The following DSCAM variants were observed in gnomAD, a reference collection of about 807,000 sequenced individuals.
The protein encoded by DSCAM is DS cell adhesion molecule.
Under a neutral mutation model 217.7 loss-of-function variants are expected in DSCAM, and 47 were observed. The ratio of observed to expected loss-of-function variants is 0.22; its 90% CI spans 0.17 to 0.28. The LOEUF is 0.28. Among genes scored for constraint, DSCAM ranks in the 10% least tolerant of loss-of-function variants. The pLI is 1.00. For missense variants in DSCAM, 2,080 were observed against 2,618.3 expected (o/e 0.79, Z 4.49); for synonymous variants, 1,056 against 1,015.3 (o/e 1.04, Z -0.76).
intron 11 of DSCAM, among the ~76,000 whole-genome samples, chr21:40,222,686 T>G (rs1188944117): frequency 6.6e-6 from 1 of 151,538 alleles, no homozygotes; most frequent in Non-Finnish European, 1.5e-5. Flanking sequence ...AATAGTTTAT[T>G]AAGAAGTATA....
intron 3 of DSCAM, among the ~76,000 whole-genome samples, chr21:40,389,055 G>A (rs1204205187): frequency 1.3e-5 from 2 of 152,146 alleles, no homozygotes; most frequent in Admixed American, 6.5e-5. Context: ...ATAAAAGTAG[G>A]ATATTCCTGC....
chr21:40,606,057 T>C (rs2089233024), intron 3 of DSCAM, among the ~76,000 whole-genome samples: 2 of 152,284 alleles, frequency 1.3e-5, no homozygotes, highest in Non-Finnish European at 2.9e-5. Context: ...CACCCTGGCC[T>C]CCCAAAGTGC....
At chr21:40,221,107 G>A (rs2091285505) in intron 11 of DSCAM, among the ~76,000 whole-genome samples, 2 of 152,116 alleles carry the variant, frequency 1.3e-5, no homozygotes. Context: ...CCTGACTATA[G>A]TACCTCTGTT....
intron 3 of DSCAM, among the ~76,000 whole-genome samples, chr21:40,426,843 C>T (rs1379427859): frequency 6.6e-6 from 1 of 152,026 alleles, no homozygotes; most frequent in East Asian, 1.9e-4. Flanking sequence ...AGTCATTCTC[C>T]TCAGTCAAGC....
chr21:40,196,606 T>G (rs2091012514), intron 11 of DSCAM, among the ~76,000 whole-genome samples: 1 of 144,336 alleles, frequency 6.9e-6, no homozygotes, highest in African/African-American at 2.9e-5. Flanking sequence ...TTTCCCTCTA[T>G]CCTTCTGTTC....
At chr21:40,317,127 C>T (rs1249940499) in intron 8 of DSCAM, among the ~76,000 whole-genome samples, 4 of 152,210 alleles carry the variant, frequency 2.6e-5, no homozygotes, top group African/African-American at 7.2e-5. Context: ...TATTTACTGT[C>T]CAGTTCAGTG....
At chr21:40,288,596 G>A (rs1183134172) in intron 10 of DSCAM, among the ~76,000 whole-genome samples, 1 of 152,158 alleles carries the variant, frequency 6.6e-6, no homozygotes, top group Non-Finnish European at 1.5e-5. Flanking sequence ...AGAGAAGGCT[G>A]AAACACAGAC....
At chr21:40,474,070 A>G (rs978160851) in intron 3 of DSCAM, among the ~76,000 whole-genome samples, 78 of 152,246 alleles carry the variant, frequency 5.1e-4, no homozygotes, top group African/African-American at 1.5e-3. Context: ...AGGCGGGCGG[A>G]TCACCTGAGG....
chr21:40,433,346 T>TAAAAA (rs10678618), intron 3 of DSCAM, among the ~76,000 whole-genome samples: 6 of 93,720 alleles, frequency 6.4e-5, no homozygotes, highest in East Asian at 3.1e-4. Flanking sequence ...AGACTCCGTC[T>TAAAAA]AAAAAAAAAA....
chr21:40,121,766 G>A (rs1265227894), intron 20 of DSCAM, among the ~76,000 whole-genome samples: 6 of 139,940 alleles, frequency 4.3e-5, no homozygotes, highest in African/African-American at 1.1e-4. Context: ...TTTGGCTCAC[G>A]GCAACCTCCA....
In DSCAM at chr21:40,708,514, A is replaced by G; in HGVS notation, c.301T>C (p.Tyr101His). The change falls in exon 2 of 33, where the codon TAT (tyrosine) becomes CAT (histidine). Residue 101 changes from tyrosine (Y) to histidine (H), a missense_variant. This residue lies in a region of DSCAM where 568 missense variants were observed against 678.1 expected (regional missense o/e 0.84). Coordinates refer to ENST00000400454, the MANE Select transcript of DSCAM (RefSeq NM_001389.5). ...FSTLIHDNTY[Y>H]CTAENPSGKI... ...CCTGAAGGATTTTCAGCTGTGCAAT[A>G]ATAAGTATTATCATGGATTAAGGTA... 2 of 1,538,996 alleles carry G rather than the reference A, an allele frequency of 1.3e-6. No homozygotes were observed. Among genetic ancestry groups the G allele is most frequent in the Non-Finnish European group, 1.8e-6 (2 of 1,138,688 alleles).
intron 32 of DSCAM, among the ~76,000 whole-genome samples, chr21:40,027,176 C>A (rs1354653921): frequency 2.1e-4 from 32 of 152,198 alleles, no homozygotes; most frequent in African/African-American, 7.5e-4. Flanking sequence ...GTTGAAAATT[C>A]TTTTCTTTAA....
chr21:40,744,714 T>C (rs1358573030), intron 1 of DSCAM, among the ~76,000 whole-genome samples: 1 of 151,936 alleles, frequency 6.6e-6, no homozygotes, highest in African/African-American at 2.4e-5. Flanking sequence ...GGCATCATCA[T>C]AAAACACGCA....
At chr21:40,187,706 TACTTTGACA>T (rs2146827090) in intron 13 of DSCAM, among the ~76,000 whole-genome samples, 176 bp downstream of exon 13, 1 of 152,344 alleles carries the variant, frequency 6.6e-6, no homozygotes, top group Non-Finnish European at 1.5e-5. Context: ...TTGGGGGCTT[TACTTTGACA>T]TAATCCCAGG....
Position 40,051,970 on chromosome 21 carries a change from G to C in DSCAM, c.5173C>G (p.Arg1725Gly). The C allele has an allele frequency of 7.4e-6, 12 of 1,612,458 alleles. No homozygotes were observed. The highest frequency in any genetic ancestry group is 1.0e-5 in the Non-Finnish European group (12 of 1,179,332). Residue 1725 changes from arginine (R) to glycine (G), a missense_variant, in exon 30 of 33, where the codon CGG (arginine) becomes GGG (glycine). By Grantham distance (125) the Arg-to-Gly change is moderately radical. This residue lies in a region of DSCAM where 1,144 missense variants were observed against 1,421.1 expected (regional missense o/e 0.81). Coordinates refer to ENST00000400454, the MANE Select transcript of DSCAM (RefSeq NM_001389.5). ...TGPLVDVSDA[R>G]PGTNPTTRRN... ...GTTGACCACTCACTCGTTCCCGGCC[G>C]AGCGTCTGAAACATCCACTAAGGGC...
chr21:40,281,988 T>C (rs1360067415), intron 10 of DSCAM, among the ~76,000 whole-genome samples: 1 of 152,200 alleles, frequency 6.6e-6, no homozygotes, highest in East Asian at 1.9e-4. Context: ...TATATTGAGA[T>C]AATCATTTTT....
chr21:40,642,761 A>T (rs2089898662), intron 3 of DSCAM, among the ~76,000 whole-genome samples: 1 of 151,672 alleles, frequency 6.6e-6, no homozygotes, highest in African/African-American at 2.4e-5. Flanking sequence ...TTTTTATTTT[A>T]TTTTTTTAGT....
At chr21:40,128,697 A>C (rs1175955267) in intron 19 of DSCAM, among the ~76,000 whole-genome samples, 1 of 134,396 alleles carries the variant, frequency 7.4e-6, no homozygotes, top group Non-Finnish European at 1.6e-5. Context: ...CTCATAACCA[A>C]ACAAAAAAAA....
intron 3 of DSCAM, among the ~76,000 whole-genome samples, chr21:40,445,500 G>A (rs2075667488): frequency 6.6e-6 from 1 of 152,166 alleles, no homozygotes; most frequent in Non-Finnish European, 1.5e-5. Context: ...GGGTATCTCA[G>A]CTATGAAGCC....
Sources: gnomAD v4.1 joint callset for allele counts (sites outside exome capture counted in the v4.1 genomes callset) on GRCh38, gnomAD v4.1.1 for gene constraint, gnomAD v4.1.1 regional missense constraint, MANE v1.5 for transcripts, NCBI Gene and HGNC (gene_info 2026-07-23, HGNC 2026-07-21) for gene names.